SAP130: variants seen among roughly 807,000 people sequenced by gnomAD.
SAP130 encodes the protein histone deacetylase complex subunit SAP130.
In SAP130, 16 loss-of-function variants were observed where a neutral mutation model predicts 103.2. That is an observed-to-expected ratio of 0.16 (90% confidence interval 0.10 to 0.24). The LOEUF is 0.24. Ranked by LOEUF, SAP130 falls within the 10% of genes least tolerant of loss-of-function variation. The pLI is 1.00. For missense variants in SAP130, 990 were observed against 1,359.7 expected, an observed-to-expected ratio of 0.73 and a Z score of 4.28; for synonymous variants, 477 against 497.0, an observed-to-expected ratio of 0.96 and a Z score of 0.53.
intron 8 of SAP130, 43 bp downstream of exon 8, chr2:128,000,264 T>C (rs1172705566): frequency 6.2e-7 from 1 of 1,612,966 alleles, no homozygotes; most frequent in Non-Finnish European, 8.5e-7. Flanking sequence ...CTTTTGGTTT[T>C]ACCCAACAAA....
At chr2:127,971,473 G>C (rs1414260424) in intron 15 of SAP130, among the ~76,000 whole-genome samples, 1 of 152,058 alleles carries the variant, frequency 6.6e-6, no homozygotes, top group African/African-American at 2.4e-5. Flanking sequence ...GTTTTTAGTA[G>C]AGACGGGGTT....
At chr2:128,012,920 CTA>C in intron 6 of SAP130, 108 bp downstream of exon 6, 1 of 1,098,026 alleles carries the variant, frequency 9.1e-7, no homozygotes, top group Non-Finnish European at 1.2e-6. Flanking sequence ...TCAAACTTCC[CTA>C]TGTCTTGGCA....
chr2:128,010,137 A>T, intron 7 of SAP130, 132 bp downstream of exon 7: 1 of 883,922 alleles, frequency 1.1e-6, no homozygotes, highest in Non-Finnish European at 1.6e-6. Flanking sequence ...CCCAGGATTT[A>T]GAACACTACA....
At chr2:128,024,348 A>G (rs1685352858) in intron 2 of SAP130, among the ~76,000 whole-genome samples, 1 of 152,002 alleles carries the variant, frequency 6.6e-6, no homozygotes, top group Non-Finnish European at 1.5e-5. Flanking sequence ...GGCAGGAGGA[A>G]GGCTAAATAG....
intron 14 of SAP130, among the ~76,000 whole-genome samples, chr2:127,983,636 T>C (rs1370098035): frequency 6.6e-6 from 1 of 152,104 alleles, no homozygotes; most frequent in East Asian, 1.9e-4. Context: ...GGCTGTGAAT[T>C]AGAGGGCACA....
chr2:127,955,339 T>C lies in SAP130; in HGVS notation c.2069A>G (p.Lys690Arg), dbSNP rs1163346825. 1 of 1,554,278 alleles carries C rather than the reference T, an allele frequency of 6.4e-7. No homozygotes were observed. Among genetic ancestry groups the C allele is most frequent in the Admixed American group, 1.9e-5 (1 of 52,338 alleles). The change falls in exon 16 of 21, where the codon AAA becomes AGA. Residue 690 changes from lysine (K) to arginine (R), a missense_variant. Transcript: ENST00000643581. This position sits in a 1 kb window ranked among gnomAD's most constrained non-coding sequence, Gnocchi z 4.9. The stretch of plus-strand genomic sequence containing the variant: ...AGACACGTGGATTTCAGACTTGGGT[T>C]TGGCACTAAAACACAAAAGAAAAGC... Reference protein sequence around the residue: ...TSGSPRPAGAKPKSEIHVSMA... With the variant: ...TSGSPRPAGARPKSEIHVSMA...
rs1267854448 is a variant in SAP130 at position 127,945,528 on chromosome 2, A to G, written c.2829T>C (p.Ala943=). The change falls in exon 19 of 21, where the codon GCT becomes GCC. Residue 943 remains alanine (A), a synonymous_variant. Transcript: ENST00000643581. Reference sequence around the variant, plus strand: ...CACGACAGGATACTCCTTTCTGATTAGCTATTTCCTGCAGCATAGCTTTCT... The same window carrying G: ...CACGACAGGATACTCCTTTCTGATTGGCTATTTCCTGCAGCATAGCTTTCT... The part of the protein sequence containing the change: ...EEKKAMLQEI[A]NQKGVSCRAQ... 6.2e-7 allele frequency: 1 copy of G among 1,612,754 alleles called. No individual in the cohort carries two copies.
chr2:127,947,855 C>T (rs1370827117), intron 18 of SAP130, among the ~76,000 whole-genome samples: 3 of 151,688 alleles, frequency 2.0e-5, no homozygotes, highest in African/African-American at 7.3e-5. Flanking sequence ...AGCATGATCT[C>T]GGCTTACTGC....
At chr2:127,991,188 T>C (rs2105022780) in intron 12 of SAP130, among the ~76,000 whole-genome samples, 1 of 152,026 alleles carries the variant, frequency 6.6e-6, no homozygotes, top group South Asian at 2.1e-4. Context: ...AGGTGGAGGT[T>C]GCAGTGAGCC....
intron 7 of SAP130, among the ~76,000 whole-genome samples, chr2:128,004,305 G>A (rs1313000621): frequency 2.7e-5 from 4 of 150,326 alleles, no homozygotes; most frequent in Non-Finnish European, 5.9e-5. Flanking sequence ...ACTGCCAAAG[G>A]TAGGGACAAC....
chr2:128,014,985 C>A, intron 4 of SAP130, 71 bp from the exon 5 acceptor site: 1 of 1,254,658 alleles, frequency 8.0e-7, no homozygotes, highest in Admixed American at 2.0e-5. Flanking sequence ...AAGTCACCTG[C>A]CTCCAAATGT....
At chr2:127,949,026 G>A (rs1559030232) in intron 18 of SAP130, among the ~76,000 whole-genome samples, 1 of 152,114 alleles carries the variant, frequency 6.6e-6, no homozygotes, top group Non-Finnish European at 1.5e-5. Context: ...AAACCTCAGA[G>A]TACACTTGTG....
chr2:127,991,595 G>C (rs1348598933), intron 12 of SAP130, among the ~76,000 whole-genome samples: 3 of 152,156 alleles, frequency 2.0e-5, no homozygotes, highest in African/African-American at 4.8e-5. Flanking sequence ...GCCTCCCAAA[G>C]TGCTAGGGTT....
At chr2:128,018,011 TTG>T in intron 2 of SAP130, 96 bp from the exon 3 acceptor site, 1 of 985,324 alleles carries the variant, frequency 1.0e-6, no homozygotes, top group Non-Finnish European at 1.5e-6. Flanking sequence ...AATCTCAGGA[TTG>T]ACAAAGTGGC....
In SAP130 at chr2:127,953,258, C is replaced by T. The variant is rs946006216; in HGVS notation, c.2422+1728G>A. 2.6e-5 allele frequency among the ~76,000 whole-genome samples: 4 copies of T among 152,210 alleles called. No homozygotes were observed. The highest frequency in any genetic ancestry group is 9.7e-5 in the African/African-American group (4 of 41,446). ...TCTCACACTCAACATCCAATCATTACACACTCTTAGCTCTACCTTAAAAAC... is the reference window on the plus strand; with the variant it reads ...TCTCACACTCAACATCCAATCATTATACACTCTTAGCTCTACCTTAAAAAC... On this transcript the variant is annotated intron_variant, in intron 16 of 20. Transcript: ENST00000643581. The surrounding 1 kb of genome is among the most constrained non-coding windows in gnomAD (Gnocchi z 4.0).
intron 7 of SAP130, among the ~76,000 whole-genome samples, chr2:128,001,297 G>T (rs1683542161): frequency 1.3e-5 from 2 of 152,102 alleles, no homozygotes; most frequent in Non-Finnish European, 2.9e-5. Context: ...CCCAGCAGGA[G>T]GACCGCTTAA....
chr2:127,996,597 G>T lies in SAP130; in HGVS notation c.1214-106C>A. The T allele has an allele frequency of 1.9e-6, 2 of 1,030,926 alleles. No individual in the cohort carries two copies. The highest frequency in any genetic ancestry group is 2.7e-6 in the Non-Finnish European group (2 of 751,464). 63.9% of individuals were successfully genotyped at this position (1,030,926 alleles called of 1,614,324 possible). ...TTAGGAAAGCAAACAATTAAAATAA[G>T]CCTGGATTTTTAATCAAAATAAAAA... is the stretch of plus-strand genomic sequence containing the variant. On this transcript the variant is annotated intron_variant, in intron 10 of 20. Coordinates refer to ENST00000643581, the MANE Select transcript of SAP130 (RefSeq NM_001330301.2). This position sits in a 1 kb window ranked among gnomAD's most constrained non-coding sequence, Gnocchi z 4.3.
intron 12 of SAP130, among the ~76,000 whole-genome samples, chr2:127,990,180 G>A (rs557571665): frequency 5.7e-4 from 86 of 151,986 alleles, no homozygotes; most frequent in Non-Finnish European, 9.9e-4. Flanking sequence ...AATATAAAAC[G>A]TCAGAAATAC....
intron 11 of SAP130, among the ~76,000 whole-genome samples, chr2:127,993,515 A>G (rs1299980816): frequency 6.6e-6 from 1 of 152,132 alleles, no homozygotes; most frequent in Non-Finnish European, 1.5e-5. Flanking sequence ...AAATACCTAT[A>G]TCAATAAATG....
Sources: allele counts gnomAD v4.1 joint callset (sites outside exome capture counted in the v4.1 genomes callset), GRCh38; gene constraint gnomAD v4.1.1; non-coding constraint Gnocchi (gnomAD v3.1); transcripts MANE v1.5; gene names NCBI Gene and HGNC (gene_info 2026-07-23, HGNC 2026-07-21).